Variants in ADH1C observed in about 807,000 individuals in gnomAD.
The protein encoded by ADH1C is alcohol dehydrogenase 1C.
Under a neutral mutation model 35.0 loss-of-function variants are expected in ADH1C, and 26 were observed. The ratio of observed to expected loss-of-function variants is 0.74; its 90% CI spans 0.54 to 1.03. ADH1C has a LOEUF of 1.03. Ranked by LOEUF, ADH1C falls within the 50% of genes least tolerant of loss-of-function variation. The probability of loss-of-function intolerance (pLI) is 0.00; values close to 1 mark genes in which losing one functional copy is unlikely to be tolerated. For missense variants in ADH1C, 413 were observed against 465.4 expected (o/e 0.89, Z 1.04); for synonymous variants, 170 against 169.3 (o/e 1.00, Z -0.03).
At position 99,340,949 on chromosome 4, in the gene ADH1C, T is replaced by C. The variant is rs562508779; in HGVS notation, c.829-239A>G. On this transcript the variant is annotated intron_variant, in intron 6 of 8. Transcript: ENST00000515683. The stretch of plus-strand genomic sequence containing the variant: ...AATAAATTTGTGTGCCCTTAGTTCT[T>C]CCTAATAAAGGAATAAAGAGGCAAA... Among the ~76,000 whole-genome samples, 193 of 152,336 alleles carry C rather than the reference T, an allele frequency of 1.3e-3. 1 individual carries two copies. The highest frequency in any genetic ancestry group is 4.4e-3 in the African/African-American group (184 of 41,574).
Position 99,352,592 on chromosome 4 carries a change from A to T in ADH1C, c.18+66T>A, listed in dbSNP as rs538914210. Reference sequence around the variant, plus strand: ...AAATTTTAAATTATTCATTATTAATACTGTATTCCTTTATTTGTTATATTG... The same window carrying T: ...AAATTTTAAATTATTCATTATTAATTCTGTATTCCTTTATTTGTTATATTG... On this transcript the variant is annotated intron_variant, in intron 1 of 8. Coordinates refer to ENST00000515683, the MANE Select transcript of ADH1C (RefSeq NM_000669.5). The T allele has an allele frequency of 2.4e-5, 32 of 1,361,224 alleles. No homozygotes were observed. The African/African-American group carries it at 4.2e-4, about 18-fold the overall frequency. The allele number at this position is 1,361,224 out of a possible 1,614,324, so 84.3% of individuals were successfully genotyped here. A position where few individuals can be genotyped will look rare whatever the true frequency, so the allele number is the denominator to read the frequency against.
intron 5 of ADH1C, 135 bp from the exon 6 acceptor site, chr4:99,343,190 T>G: frequency 7.5e-7 from 1 of 1,330,454 alleles, no homozygotes; most frequent in Non-Finnish European, 1.0e-6. Flanking sequence ...CGAAACCTGT[T>G]TTGGCTTGAA....
rs1278643155 is a variant in ADH1C, at chr4:99,336,726, C to T, written c.*26G>A. The T allele has an allele frequency of 6.2e-7, 1 of 1,613,152 alleles. No homozygotes were observed. Among genetic ancestry groups the T allele is most frequent in the Non-Finnish European group, 8.5e-7 (1 of 1,179,284 alleles). On this transcript the variant is annotated 3_prime_UTR_variant, in exon 9 of 9. Coordinates refer to ENST00000515683, the MANE Select transcript of ADH1C (RefSeq NM_000669.5). ...GTAGGGTAGAGGAGGCTGAAAACTG[C>T]TACAAGGGAAGGCATCTGTATTGTT...
In ADH1C at chr4:99,345,067, C is replaced by A; in HGVS notation, c.362G>T (p.Arg121Leu). 1 of 1,614,126 alleles carries A rather than the reference C, an allele frequency of 6.2e-7. No individual in the cohort carries two copies. Among genetic ancestry groups the A allele is most frequent in the South Asian group, 1.1e-5 (1 of 91,084 alleles). Residue 121 changes from arginine (R) to leucine (L), a missense_variant, in exon 5 of 9, where the codon CGG becomes CTG. Physicochemically the swap from Arg to Leu is moderately radical, Grantham distance 102. Coordinates refer to ENST00000515683, the MANE Select transcript of ADH1C (RefSeq NM_000669.5). The part of the protein sequence containing the change: ...YCLKNDLGNP[R>L]GTLQDGTRRF... Reference sequence around the variant, plus strand: ...CCTGGTGCCATCCTGCAGGGTCCCCCGAGGATTGCCTAGACTGGGCAGTGC... The same window carrying A: ...CCTGGTGCCATCCTGCAGGGTCCCCAGAGGATTGCCTAGACTGGGCAGTGC...
rs1203831589 is a variant in ADH1C at position 99,338,393 on chromosome 4, TTCTATATATATATATATA to T, written c.1103+1166_1103+1183del. On this transcript the variant is annotated intron_variant, in intron 8 of 8. Transcript: ENST00000515683. Reference sequence around the variant, plus strand: ...TAATTAACCTTTGATGAATACTGTTTTCTATATATATATATATATATATATATATATATATATATATAT... The same window carrying T: ...TAATTAACCTTTGATGAATACTGTTTTATATATATATATATATATATATAT... Among the ~76,000 whole-genome samples the T allele has an allele frequency of 4.8e-3, 353 of 73,096 alleles. 39 individuals carry two copies. The highest frequency in any genetic ancestry group is 0.018 in the African/African-American group (332 of 18,328). The allele number at this position is 73,096 out of a possible 152,430, so 48.0% of individuals were successfully genotyped here.
chr4:99,341,300 A>G (rs1184287932), intron 6 of ADH1C, among the ~76,000 whole-genome samples: 3 of 152,212 alleles, frequency 2.0e-5, no homozygotes, highest in Non-Finnish European at 4.4e-5. Flanking sequence ...AAGACAGTTC[A>G]GAAAATCTTT....
chr4:99,352,102 T>C (rs1317196372), intron 1 of ADH1C, among the ~76,000 whole-genome samples: 2 of 152,220 alleles, frequency 1.3e-5, no homozygotes, highest in Non-Finnish European at 2.9e-5. Context: ...TGCTTAACCT[T>C]GATGATTCTA....
intron 3 of ADH1C, 95 bp from the exon 4 acceptor site, chr4:99,345,361 T>A: frequency 7.9e-7 from 1 of 1,262,946 alleles, no homozygotes; most frequent in Non-Finnish European, 1.1e-6. Context: ...GAATTATGTG[T>A]CTGAAAAGTT....
chr4:99,337,291 A>T (rs1734300805), intron 8 of ADH1C, among the ~76,000 whole-genome samples: 1 of 152,056 alleles, frequency 6.6e-6, no homozygotes, highest in Admixed American at 6.6e-5. Context: ...GGGTGTTGGG[A>T]TTCAAACCCA....
intron 6 of ADH1C, 104 bp downstream of exon 6, chr4:99,342,691 T>C (rs930216420): frequency 1.3e-6 from 2 of 1,512,064 alleles, no homozygotes; most frequent in African/African-American, 1.4e-5. Context: ...AAATTTCCAT[T>C]CATCATTAAA....
At chr4:99,337,297 A>G (rs1230714236) in intron 8 of ADH1C, among the ~76,000 whole-genome samples, 2 of 152,048 alleles carry the variant, frequency 1.3e-5, no homozygotes, top group Non-Finnish European at 2.9e-5. Context: ...TGGGATTCAA[A>G]CCCAAATACA....
intron 3 of ADH1C, among the ~76,000 whole-genome samples, chr4:99,345,993 G>A (rs886664836): frequency 6.6e-6 from 1 of 152,098 alleles, no homozygotes; most frequent in Admixed American, 6.6e-5. Context: ...GGAGGGGTGA[G>A]AAATAAGGCA....
At chr4:99,338,925 G>GT (rs958546286) in intron 8 of ADH1C, among the ~76,000 whole-genome samples, 13 of 151,932 alleles carry the variant, frequency 8.6e-5, no homozygotes, top group African/African-American at 2.7e-4. Flanking sequence ...GATTGTAAGT[G>GT]TAAGTGTTAG....
In ADH1C at chr4:99,344,983, T is replaced by C. The variant is rs766776134; in HGVS notation, c.446A>G (p.Gln149Arg). 7 of 1,614,196 alleles carry C rather than the reference T, an allele frequency of 4.3e-6. No homozygotes were observed. The highest frequency in any genetic ancestry group is 1.1e-5 in the South Asian group (1 of 91,078). ...HHFVGVSTFS[Q>R]YTVVDENAVA... ...TGCATTCTCATCCACCACTGTGTAC[T>C]GGGAGAAGGTGCTGACGCCGACGAA... The change falls in exon 5 of 9, where the codon CAG becomes CGG. Residue 149 changes from glutamine (Q) to arginine (R), a missense_variant. Physicochemically the swap from Gln to Arg is conservative, Grantham distance 43. Coordinates refer to ENST00000515683, the MANE Select transcript of ADH1C (RefSeq NM_000669.5).
At position 99,342,030 on chromosome 4, in the gene ADH1C, A is replaced by G. The variant is rs559968825; in HGVS notation, c.828+765T>C. Among the ~76,000 whole-genome samples, 34 of 151,696 alleles carry G rather than the reference A, an allele frequency of 2.2e-4. No homozygotes were observed. In the East Asian group the frequency reaches 5.6e-3, roughly 25 times the overall value. ...TGTCTCAAAAAAAAAAAAAAAATAAATAAATAAATAAAATAAAATAAAAAA... is the reference window on the plus strand; with the variant it reads ...TGTCTCAAAAAAAAAAAAAAAATAAGTAAATAAATAAAATAAAATAAAAAA... On this transcript the variant is annotated intron_variant, in intron 6 of 8. Transcript: ENST00000515683.
At chr4:99,340,459 A>G (rs1266155739) in intron 7 of ADH1C, 116 bp downstream of exon 7, 19 of 1,292,778 alleles carry the variant, frequency 1.5e-5, no homozygotes, top group Non-Finnish European at 2.0e-5. Flanking sequence ...GACTATAGAA[A>G]AGAAATTTTA....
intron 8 of ADH1C, 49 bp downstream of exon 8, chr4:99,339,528 C>CCCCCCCCCCCCT: frequency 8.8e-7 from 1 of 1,139,254 alleles, no homozygotes; most frequent in Non-Finnish European, 1.2e-6. Flanking sequence ...CCCCCCCCCG[C>CCCCCCCCCCCCT]CGCTACTGTA....
chr4:99,336,805 TAAC>T, intron 8 of ADH1C, 29 bp from the exon 9 acceptor site: 5 of 1,613,478 alleles, frequency 3.1e-6, no homozygotes, highest in Non-Finnish European at 4.2e-6. Context: ...GACATTGTGT[TAAC>T]ATTTAGACAA....
intron 1 of ADH1C, among the ~76,000 whole-genome samples, chr4:99,349,450 C>T (rs283415): frequency 0.65 from 98,095 of 152,036 alleles, 32,728 homozygotes; most frequent in East Asian, 0.92. Context: ...ACTGTTTACC[C>T]ACAACTATTG....
Sources: gnomAD v4.1 joint callset for allele counts (sites outside exome capture counted in the v4.1 genomes callset) on GRCh38, gnomAD v4.1.1 for gene constraint, MANE v1.5 for transcripts, NCBI Gene and HGNC (gene_info 2026-07-23, HGNC 2026-07-21) for gene names.